The following MKKS variants were observed in gnomAD, a reference collection of about 807,000 sequenced individuals.
The protein encoded by MKKS is MKKS centrosomal shuttling protein.
Under a neutral mutation model 33.2 loss-of-function variants are expected in MKKS, and 29 were observed. The observed-to-expected ratio is 0.87, with a 90% CI of 0.65 to 1.19. The LOEUF (loss-of-function observed/expected upper bound fraction) is 1.19. Ranked by LOEUF, MKKS falls within the 50% of genes most tolerant of loss-of-function variation. The pLI is 0.00. For synonymous variants in MKKS, 260 were observed against 244.0 expected (o/e 1.07, Z -0.61); for missense variants, 661 against 662.3 (o/e 1.00, Z 0.02).
In MKKS at chr20:10,401,820, A is replaced by T. The variant is rs531515238; in HGVS notation, c.*3427T>A. ...AAGATATTAATGTGATATAGTTTAA[A>T]TATCTTGTGTAAAATACTTCACTTA... is the stretch of plus-strand genomic sequence containing the variant. On this transcript the variant is annotated 3_prime_UTR_variant, in exon 6 of 6. Transcript: ENST00000347364. 2 of 152,338 alleles carry T rather than the reference A, an allele frequency of 1.3e-5. No homozygotes were observed. Among genetic ancestry groups the T allele is most frequent in the East Asian group, 3.9e-4 (2 of 5,188 alleles). 9.4% of individuals were successfully genotyped at this position (152,338 alleles called of 1,614,324 possible). A position where few individuals can be genotyped will look rare whatever the true frequency, so the allele number is the denominator to read the frequency against.
chr20:10,406,232 C>T (rs548985094), intron 5 of MKKS, among the ~76,000 whole-genome samples: 1 of 152,112 alleles, frequency 6.6e-6, no homozygotes, highest in Non-Finnish European at 1.5e-5. Flanking sequence ...AGACCTTAAA[C>T]AGTCTTCTGG....
chr20:10,416,932 CT>C (rs1314541147), intron 2 of MKKS, among the ~76,000 whole-genome samples: 1 of 152,118 alleles, frequency 6.6e-6, no homozygotes, highest in Non-Finnish European at 1.5e-5. Flanking sequence ...GGTATAGACA[CT>C]ATATGATCTG....
At position 10,413,811 on chromosome 20, in the gene MKKS, G is replaced by A; in HGVS notation, c.-297C>T. On this transcript the variant is annotated 5_prime_UTR_variant, in exon 3 of 6. Transcript: ENST00000347364. The stretch of plus-strand genomic sequence containing the variant: ...CTTTGCAGACCTCTGCAAAAAGTAT[G>A]TTCCAAGATGGACACCTATGAAAGA... 1 of 524,804 alleles carries A rather than the reference G, an allele frequency of 1.9e-6. No homozygotes were observed. The highest frequency in any genetic ancestry group is 3.5e-5 in the Admixed American group (1 of 28,958). 32.5% of individuals were successfully genotyped at this position (524,804 alleles called of 1,614,324 possible). A position where few individuals can be genotyped will look rare whatever the true frequency, so the allele number is the denominator to read the frequency against.
intron 1 of MKKS, among the ~76,000 whole-genome samples, chr20:10,432,823 G>A (rs983270404): frequency 2.1e-5 from 3 of 143,418 alleles, no homozygotes; most frequent in African/African-American, 7.7e-5. Flanking sequence ...AAATCGTGTA[G>A]TTTTGTACAC....
rs137853154 is a variant in MKKS at position 10,413,073 on chromosome 20, G to A, written c.442C>T (p.Gln148Ter). The A allele has an allele frequency of 1.2e-6, 2 of 1,613,994 alleles. No homozygotes were observed. The highest frequency in any genetic ancestry group is 8.5e-7 in the Non-Finnish European group (1 of 1,180,028). Residue 148 changes from glutamine to a stop codon, truncating the protein, a stop_gained, in exon 3 of 6, where the codon CAG (glutamine) becomes TAG (stop). Coordinates refer to ENST00000347364, the MANE Select transcript of MKKS (RefSeq NM_170784.3). LOFTEE classifies it high-confidence loss of function. The part of the protein sequence containing the change: ...CRIPVDFSST[Q>*]ILLCLVRSIL... ...CTACGCACCAAACAAAGGAGGATCT[G>A]AGTACTACTAAAGTCCACTGGGATT...
At chr20:10,417,859 G>A (rs1817630216) in intron 2 of MKKS, among the ~76,000 whole-genome samples, 1 of 152,088 alleles carries the variant, frequency 6.6e-6, no homozygotes, top group Non-Finnish European at 1.5e-5. Flanking sequence ...GAGAGAAAGA[G>A]GAAATTGTTA....
intron 1 of MKKS, among the ~76,000 whole-genome samples, chr20:10,423,927 T>G (rs532785477): frequency 1.3e-5 from 2 of 152,358 alleles, no homozygotes; most frequent in East Asian, 3.9e-4. Flanking sequence ...TAATGTTTAC[T>G]GAACATCTAC....
chr20:10,421,349 G>C (rs114753932), intron 1 of MKKS, among the ~76,000 whole-genome samples: 2,626 of 151,190 alleles, frequency 0.017, 83 homozygotes, highest in African/African-American at 0.059. Context: ...GCTTGAACTT[G>C]GGAGGTGGAG....
At chr20:10,430,603 G>A (rs554941787) in intron 1 of MKKS, among the ~76,000 whole-genome samples, 45 of 152,296 alleles carry the variant, frequency 3.0e-4, no homozygotes, top group Middle Eastern at 3.4e-3. Flanking sequence ...CAGTTAGTTA[G>A]CTAAGAATAA....
intron 1 of MKKS, among the ~76,000 whole-genome samples, chr20:10,421,783 T>C (rs2064982367): frequency 6.6e-6 from 1 of 151,508 alleles, no homozygotes; most frequent in Non-Finnish European, 1.5e-5. Flanking sequence ...TTAAAATATA[T>C]ATATATATAT....
intron 1 of MKKS, among the ~76,000 whole-genome samples, chr20:10,428,572 C>T (rs1302294381): frequency 6.6e-6 from 1 of 152,210 alleles, no homozygotes; most frequent in Non-Finnish European, 1.5e-5. Context: ...GGCGCGGTGG[C>T]TCACGCCTCT....
intron 1 of MKKS, among the ~76,000 whole-genome samples, chr20:10,432,782 T>A (rs1033155515): frequency 1.0e-5 from 1 of 95,832 alleles, no homozygotes; most frequent in Non-Finnish European, 2.2e-5. Flanking sequence ...AGAGCGAGAC[T>A]CTTTGTCAAA....
chr20:10,426,804 C>CA (rs1200975025), intron 1 of MKKS, among the ~76,000 whole-genome samples: 3 of 152,106 alleles, frequency 2.0e-5, no homozygotes, highest in East Asian at 3.9e-4. Flanking sequence ...GTAAGAAAAA[C>CA]AAAAAAATTA....
At position 10,402,413 on chromosome 20, in the gene MKKS, C is replaced by CT. The variant is rs1031825694; in HGVS notation, c.*2833dup. On this transcript the variant is annotated 3_prime_UTR_variant, in exon 6 of 6. Coordinates refer to ENST00000347364, the MANE Select transcript of MKKS (RefSeq NM_170784.3). ...AACTATAGAGGAAGGTTTTTTTTCT[C>CT]TTTTTTTCTATTTCCAGTGTTTTCT... 3 of 151,682 alleles carry CT rather than the reference C, an allele frequency of 2.0e-5. No homozygotes were observed. Among genetic ancestry groups the CT allele is most frequent in the African/African-American group, 4.8e-5 (2 of 41,308 alleles). The allele number at this position is 151,682 out of a possible 1,614,324, so 9.4% of individuals were successfully genotyped here.
At chr20:10,412,245 G>A (rs1224238306) in intron 3 of MKKS, among the ~76,000 whole-genome samples, 1 of 152,186 alleles carries the variant, frequency 6.6e-6, no homozygotes, top group Non-Finnish European at 1.5e-5. Flanking sequence ...AAGACCTTAG[G>A]ATTATGGGGA....
intron 1 of MKKS, among the ~76,000 whole-genome samples, chr20:10,423,060 T>C (rs184583550): frequency 6.6e-6 from 1 of 152,210 alleles, no homozygotes; most frequent in Non-Finnish European, 1.5e-5. Context: ...CACCATTTAC[T>C]TCTCCATGAT....
chr20:10,424,351 T>C (rs911154195), intron 1 of MKKS, among the ~76,000 whole-genome samples: 4 of 152,024 alleles, frequency 2.6e-5, no homozygotes, highest in Admixed American at 6.5e-5. Context: ...AGCCCATGAG[T>C]TCGAGACTGC....
intron 5 of MKKS, among the ~76,000 whole-genome samples, chr20:10,407,388 CTTG>C (rs2064850608): frequency 6.6e-6 from 1 of 151,938 alleles, no homozygotes; most frequent in Non-Finnish European, 1.5e-5. Flanking sequence ...TTATATTTAC[CTTG>C]TTATTTCCCT....
chr20:10,427,028 T>A (rs370128645), intron 1 of MKKS, among the ~76,000 whole-genome samples: 6,502 of 61,214 alleles, frequency 0.11, 238 homozygotes, highest in Admixed American at 0.16. Context: ...AAGAAAACAC[T>A]GACACACACA....
Sources: gnomAD v4.1 joint callset for allele counts (sites outside exome capture counted in the v4.1 genomes callset) on GRCh38, gnomAD v4.1.1 for gene constraint, MANE v1.5 for transcripts, NCBI Gene and HGNC (gene_info 2026-07-23, HGNC 2026-07-21) for gene names.